Variants in TECPR2 observed in about 807,000 individuals in gnomAD.
TECPR2 encodes the protein tectonin beta-propeller repeat containing 2.
TECPR2 carries 65 observed loss-of-function variants against 138.1 expected under a neutral mutation model. That is an observed-to-expected ratio of 0.47 (90% confidence interval 0.39 to 0.58). The LOEUF (loss-of-function observed/expected upper bound fraction) is 0.58. Ranked by LOEUF, TECPR2 falls within the 20% of genes least tolerant of loss-of-function variation. TECPR2 has a pLI of 0.00. For synonymous variants in TECPR2, 746 were observed against 749.8 expected, an observed-to-expected ratio of 0.99 and a Z score of 0.08; for missense variants, 1,553 against 1,824.5, an observed-to-expected ratio of 0.85 and a Z score of 2.71.
intron 2 of TECPR2, among the ~76,000 whole-genome samples, chr14:102,400,052 T>C (rs570228822): frequency 1.3e-4 from 19 of 150,624 alleles, no homozygotes; most frequent in African/African-American, 4.4e-4. Flanking sequence ...TCTTTTCTTT[T>C]TTTTTTTTTT....
chr14:102,368,798 T>C (rs1887415897), intron 1 of TECPR2, among the ~76,000 whole-genome samples: 1 of 151,866 alleles, frequency 6.6e-6, no homozygotes, highest in African/African-American at 2.4e-5. Flanking sequence ...AGGGATATGA[T>C]AGCTTGTACT....
chr14:102,479,553 T>C (rs992734086), intron 17 of TECPR2, among the ~76,000 whole-genome samples: 8 of 152,184 alleles, frequency 5.3e-5, no homozygotes, highest in African/African-American at 1.9e-4. Context: ...GGAGAAGGTC[T>C]GCAGTGAGCT....
At chr14:102,452,366 C>T (rs866483937) in intron 15 of TECPR2, 28 bp from the exon 16 acceptor site, 4 of 1,591,130 alleles carry the variant, frequency 2.5e-6, no homozygotes, top group South Asian at 2.2e-5. Flanking sequence ...GACAACACCT[C>T]GATGACAAAC....
chr14:102,426,205 G>T (rs1324352042), intron 6 of TECPR2, among the ~76,000 whole-genome samples: 175 of 150,266 alleles, frequency 1.2e-3, no homozygotes, highest in Middle Eastern at 3.4e-3. Flanking sequence ...TTTTTTTTTT[G>T]TTTTTTGTTT....
At chr14:102,401,497 C>T (rs900206695) in intron 2 of TECPR2, among the ~76,000 whole-genome samples, 17 of 148,418 alleles carry the variant, frequency 1.1e-4, no homozygotes, top group African/African-American at 2.7e-4. Context: ...AAGAGACTCA[C>T]GGCCAGGTGC....
chr14:102,454,440 G>C (rs1244330162), intron 16 of TECPR2, among the ~76,000 whole-genome samples: 1 of 152,150 alleles, frequency 6.6e-6, no homozygotes, highest in Non-Finnish European at 1.5e-5. Flanking sequence ...CTGAAGGTTT[G>C]TCCAGGGCAA....
chr14:102,375,626 T>C (rs760473983), intron 1 of TECPR2, among the ~76,000 whole-genome samples: 2 of 152,190 alleles, frequency 1.3e-5, no homozygotes, highest in African/African-American at 2.4e-5. Context: ...AAAGAGACCA[T>C]AAATCCATGA....
At chr14:102,382,723 C>T (rs1327478538) in intron 2 of TECPR2, among the ~76,000 whole-genome samples, 1 of 152,066 alleles carries the variant, frequency 6.6e-6, no homozygotes, top group East Asian at 1.9e-4. Flanking sequence ...TTTGTTTTTT[C>T]ACTTTTCTTT....
At chr14:102,450,693 G>A (rs1890116479) in intron 15 of TECPR2, 44 bp downstream of exon 15, 2 of 1,598,480 alleles carry the variant, frequency 1.3e-6, no homozygotes. Flanking sequence ...AGCACAGCTT[G>A]GCCATTGGAA....
At chr14:102,422,339 A>G (rs1343675210) in intron 5 of TECPR2, among the ~76,000 whole-genome samples, 1 of 152,264 alleles carries the variant, frequency 6.6e-6, no homozygotes, top group Non-Finnish European at 1.5e-5. Flanking sequence ...AAAACAACGT[A>G]TAACAAAACC....
intron 4 of TECPR2, among the ~76,000 whole-genome samples, chr14:102,412,796 A>G (rs1567330151): frequency 6.6e-6 from 1 of 152,150 alleles, no homozygotes; most frequent in Non-Finnish European, 1.5e-5. Context: ...GGGAGAATAC[A>G]AAAGTACCTA....
intron 2 of TECPR2, among the ~76,000 whole-genome samples, chr14:102,389,500 A>G (rs1888107910): frequency 6.6e-6 from 1 of 152,234 alleles, no homozygotes; most frequent in Admixed American, 6.5e-5. Context: ...AAGAAAAGAT[A>G]CATAGATCAC....
At chr14:102,399,888 G>T in intron 2 of TECPR2, among the ~76,000 whole-genome samples, 1 of 151,338 alleles carries the variant, frequency 6.6e-6, no homozygotes, top group Admixed American at 6.6e-5. Flanking sequence ...AAAAGTGAAG[G>T]ATATGTGCAA....
chr14:102,401,729 C>T (rs1211367203), intron 2 of TECPR2, among the ~76,000 whole-genome samples: 6 of 133,104 alleles, frequency 4.5e-5, no homozygotes, highest in Non-Finnish European at 6.1e-5. Flanking sequence ...GGCGTGAACC[C>T]GGGAGGCAGA....
At chr14:102,371,967 G>T (rs1887518784) in intron 1 of TECPR2, among the ~76,000 whole-genome samples, 1 of 152,098 alleles carries the variant, frequency 6.6e-6, no homozygotes, top group Non-Finnish European at 1.5e-5. Context: ...AGTATGATGA[G>T]ATTGTGACTT....
At chr14:102,380,118 A>G (rs1887761417) in intron 2 of TECPR2, among the ~76,000 whole-genome samples, 1 of 150,706 alleles carries the variant, frequency 6.6e-6, no homozygotes, top group Non-Finnish European at 1.5e-5. Flanking sequence ...TCACCATCTT[A>G]AAATCCATGC....
At chr14:102,399,978 T>G (rs1888429962) in intron 2 of TECPR2, among the ~76,000 whole-genome samples, 3 of 152,118 alleles carry the variant, frequency 2.0e-5, no homozygotes, top group African/African-American at 7.2e-5. Flanking sequence ...CTAAAATGCT[T>G]TTTTAAAATT....
Position 102,499,245 on chromosome 14 carries a change from G to A in TECPR2, c.*988G>A. ...CTCACTTAGAAATGTCTTTGGAATG[G>A]TGTTTAACTAATGCTGCTGGCGGAC... On this transcript the variant is annotated 3_prime_UTR_variant, in exon 20 of 20. Coordinates refer to ENST00000359520, the MANE Select transcript of TECPR2 (RefSeq NM_014844.5). 1.5e-6 allele frequency: 1 copy of A among 674,488 alleles called. No homozygotes were observed. Among genetic ancestry groups the A allele is most frequent in the East Asian group, 2.7e-5 (1 of 36,750 alleles). The allele number at this position is 674,488 out of a possible 1,614,324, so 41.8% of individuals were successfully genotyped here.
chr14:102,459,216 C>G (rs1282333070), intron 16 of TECPR2, among the ~76,000 whole-genome samples: 3 of 152,132 alleles, frequency 2.0e-5, no homozygotes, highest in Non-Finnish European at 4.4e-5. Flanking sequence ...CAACTGCATG[C>G]AGCTGCACCA....
Sources: gnomAD v4.1 joint callset for allele counts (sites outside exome capture counted in the v4.1 genomes callset) on GRCh38, gnomAD v4.1.1 for gene constraint, MANE v1.5 for transcripts, NCBI Gene and HGNC (gene_info 2026-07-23, HGNC 2026-07-21) for gene names.